TTI2: variants seen among roughly 807,000 people sequenced by gnomAD.
TTI2 encodes TELO2-interacting protein 2.
TTI2 carries 26 observed loss-of-function variants against 44.9 expected under a neutral mutation model. The observed-to-expected ratio is 0.58, with a 90% CI of 0.42 to 0.80. TTI2 has a LOEUF of 0.80. TTI2 is among the 30% of genes least tolerant of loss of function. TTI2 has a pLI of 0.00. For synonymous variants in TTI2, 254 were observed against 250.9 expected, an observed-to-expected ratio of 1.01 and a Z score of -0.12; for missense variants, 582 against 611.6, an observed-to-expected ratio of 0.95 and a Z score of 0.51.
intron 1 of TTI2, 47 bp from the exon 2 acceptor site, chr8:33,512,759 C>A (rs1021235309): frequency 2.2e-6 from 2 of 894,578 alleles, no homozygotes; most frequent in Non-Finnish European, 3.3e-6. Flanking sequence ...GAGGAGGGGG[C>A]GAGTCTGACC....
intron 6 of TTI2, among the ~76,000 whole-genome samples, chr8:33,502,901 G>A (rs574658803): frequency 6.6e-6 from 1 of 151,996 alleles, no homozygotes; most frequent in South Asian, 2.1e-4. Flanking sequence ...AGGCCAAGGC[G>A]GGTGGATTAC....
At chr8:33,511,390 T>A (rs1809522101) in intron 2 of TTI2, among the ~76,000 whole-genome samples, 1 of 152,064 alleles carries the variant, frequency 6.6e-6, no homozygotes, top group Non-Finnish European at 1.5e-5. Context: ...AATTTCCAAT[T>A]TTCCTAGGCA....
intron 3 of TTI2, among the ~76,000 whole-genome samples, chr8:33,507,631 A>G (rs1290982093): frequency 6.6e-6 from 1 of 151,998 alleles, no homozygotes; most frequent in Non-Finnish European, 1.5e-5. Context: ...TAAACTGAAC[A>G]AAGTAACCTT....
intron 5 of TTI2, 38 bp from the exon 6 acceptor site, chr8:33,503,610 G>A (rs746311102): frequency 6.2e-7 from 1 of 1,611,762 alleles, no homozygotes; most frequent in Non-Finnish European, 8.5e-7. Flanking sequence ...CAGTGCAGTG[G>A]CTCATGCCTG....
At chr8:33,505,277 G>A (rs1369301332) in intron 4 of TTI2, among the ~76,000 whole-genome samples, 2 of 152,058 alleles carry the variant, frequency 1.3e-5, no homozygotes, top group African/African-American at 4.8e-5. Context: ...GAGGGGGAAA[G>A]GAGGGAAGTA....
intron 4 of TTI2, among the ~76,000 whole-genome samples, chr8:33,506,352 A>G (rs931046881): frequency 8.0e-5 from 12 of 150,778 alleles, no homozygotes; most frequent in Middle Eastern, 3.5e-3. Flanking sequence ...ATAAAAATAG[A>G]CTTTTTCAGA....
chr8:33,507,450 T>C, intron 3 of TTI2, 129 bp from the exon 4 acceptor site: 1 of 793,248 alleles, frequency 1.3e-6, no homozygotes, highest in Non-Finnish European at 2.2e-6. Flanking sequence ...CATGATTGTT[T>C]CGAGTTGAAA....
chr8:33,508,915 G>A (rs1161026070), intron 3 of TTI2, among the ~76,000 whole-genome samples: 1 of 151,922 alleles, frequency 6.6e-6, no homozygotes. Context: ...CCCAAGACAG[G>A]CAGATCACCT....
intron 6 of TTI2, among the ~76,000 whole-genome samples, chr8:33,503,221 G>C (rs539456803): frequency 1.3e-5 from 2 of 151,604 alleles, no homozygotes; most frequent in South Asian, 4.2e-4. Context: ...CCTGGTAAAA[G>C]AGTCAACTAT....
chr8:33,507,209 T>C lies in TTI2; in HGVS notation c.927+20A>G. 6.2e-7 allele frequency: 1 copy of C among 1,606,114 alleles called. No individual in the cohort carries two copies. On this transcript the variant is annotated intron_variant, in intron 4 of 7. Coordinates refer to ENST00000431156, the MANE Select transcript of TTI2 (RefSeq NM_001102401.4). ...AATTCAGAGAATCCAGACCCAGTTA[T>C]GAAGAAATCATACTATTACCTGAAT... is the stretch of plus-strand genomic sequence containing the variant.
chr8:33,505,791 C>T (rs1368552734), intron 4 of TTI2, among the ~76,000 whole-genome samples: 1 of 152,184 alleles, frequency 6.6e-6, no homozygotes, highest in East Asian at 1.9e-4. Context: ...GTAGCTGTGA[C>T]TACAGACACG....
intron 4 of TTI2, among the ~76,000 whole-genome samples, 159 bp downstream of exon 4, chr8:33,507,070 G>A (rs768996040): frequency 3.3e-5 from 5 of 152,192 alleles, no homozygotes; most frequent in Admixed American, 3.3e-4. Flanking sequence ...GTGGAGGCCT[G>A]CTTGGTGCTG....
At position 33,499,162 on chromosome 8, in the gene TTI2, TA is replaced by T. The variant is rs1808964686; in HGVS notation, c.*10del. ...AGAAAATCCTTTCCTCTTGGGAAAG[TA>T]ATACAAGTCTTAAGTTCCATTGTAG... On this transcript the variant is annotated 3_prime_UTR_variant, in exon 8 of 8. Coordinates refer to ENST00000431156, the MANE Select transcript of TTI2 (RefSeq NM_001102401.4). The T allele has an allele frequency of 4.4e-6, 7 of 1,601,270 alleles. No individual in the cohort carries two copies. In the East Asian group the frequency reaches 1.6e-4, roughly 36 times the overall value.
Position 33,512,415 on chromosome 8 carries a change from A to T in TTI2, c.199T>A (p.Leu67Ile), listed in dbSNP as rs540740864. ...DLIEATEFDR[L>I]FEGTGARLRG... ...AGCCGTGCACCAGTCCCCTCAAATA[A>T]CCTATCAAATTCTGTGGCTTCTATT... Residue 67 changes from leucine to isoleucine, a missense_variant, in exon 2 of 8, where the codon TTA (leucine) becomes ATA (isoleucine). By Grantham distance (5) the Leu-to-Ile change is conservative. Transcript: ENST00000431156. The T allele has an allele frequency of 1.8e-5, 29 of 1,613,846 alleles. No individual in the cohort carries two copies. The highest frequency in any genetic ancestry group is 2.4e-5 in the Non-Finnish European group (28 of 1,179,944).
intron 3 of TTI2, among the ~76,000 whole-genome samples, chr8:33,509,542 TGCC>T: frequency 6.6e-6 from 1 of 151,844 alleles, no homozygotes; most frequent in Non-Finnish European, 1.5e-5. Context: ...TAATGACCCA[TGCC>T]TTCCTGTTTC....
chr8:33,499,998 C>CTT, intron 7 of TTI2: 6 of 170,038 alleles, frequency 3.5e-5, no homozygotes, highest in East Asian at 1.6e-4. Flanking sequence ...ATTATTTTTA[C>CTT]TTTTTTTTTT....
At chr8:33,511,885 G>A in intron 2 of TTI2, 82 bp downstream of exon 2, 5 of 1,470,836 alleles carry the variant, frequency 3.4e-6, no homozygotes, top group Non-Finnish European at 4.6e-6. Flanking sequence ...GTGAAACTCT[G>A]TCTCGAAAAT....
In TTI2 at chr8:33,499,461, C is replaced by G; in HGVS notation, c.1423-184G>C. On this transcript the variant is annotated intron_variant, in intron 7 of 7. Transcript: ENST00000431156. Reference sequence around the variant, plus strand: ...ATTATTTTTAAATTTATATAGCTCTCATGTATTGAAGGTGCTACTTTAAAA... The same window carrying G: ...ATTATTTTTAAATTTATATAGCTCTGATGTATTGAAGGTGCTACTTTAAAA... The G allele has an allele frequency of 7.3e-6, 4 of 550,088 alleles. No individual in the cohort carries two copies. In the South Asian group the frequency reaches 8.6e-5, roughly 12 times the overall value. 34.1% of individuals were successfully genotyped at this position (550,088 alleles called of 1,614,324 possible).
intron 6 of TTI2, chr8:33,500,785 G>A (rs1481222056): frequency 6.3e-6 from 2 of 317,614 alleles, no homozygotes; most frequent in Admixed American, 4.6e-5. Flanking sequence ...CTGAGAAGGG[G>A]AAACCAGGAT....
Sources: allele counts gnomAD v4.1 joint callset (sites outside exome capture counted in the v4.1 genomes callset), GRCh38; gene constraint gnomAD v4.1.1; transcripts MANE v1.5; gene names NCBI Gene and HGNC (gene_info 2026-07-23, HGNC 2026-07-21).